Variants in IL7R observed in about 807,000 individuals in gnomAD.
IL7R encodes interleukin-7 receptor subunit alpha.
Under a neutral mutation model 47.0 loss-of-function variants are expected in IL7R, and 38 were observed. The observed-to-expected ratio is 0.81, with a 90% CI of 0.62 to 1.06. The LOEUF is 1.06. Among genes scored for constraint, IL7R ranks in the 50% least tolerant of loss-of-function variants. The pLI is 0.00. For missense variants in IL7R, 633 were observed against 534.8 expected (o/e 1.18, Z -1.81); for synonymous variants, 221 against 199.8 (o/e 1.11, Z -0.89).
chr5:35,860,965 A>C lies in IL7R; in HGVS notation c.196A>C (p.Ile66Leu). 1 of 1,613,574 alleles carries C rather than the reference A, an allele frequency of 6.2e-7. No homozygotes were observed. Among genetic ancestry groups the C allele is most frequent in the African/African-American group, 1.3e-5 (1 of 75,010 alleles). ...TCAFEDPDVN[I>L]TNLEFEICGA... is the part of the protein sequence containing the mutation. ...TGCTTTTGAGGACCCAGATGTCAAC[A>C]TCACCAATCTGGAATTTGAAATATG... Residue 66 changes from isoleucine (I) to leucine (L), a missense_variant, in exon 2 of 8, where the codon ATC (isoleucine) becomes CTC (leucine). Ile to Leu is a conservative substitution (Grantham distance 5). Transcript: ENST00000303115.
intron 4 of IL7R, among the ~76,000 whole-genome samples, chr5:35,872,281 C>T (rs1429909902): frequency 6.6e-6 from 1 of 152,148 alleles, no homozygotes; most frequent in Non-Finnish European, 1.5e-5. Context: ...TCACTGCAAC[C>T]TCCGCCTCCC....
chr5:35,864,314 A>G (rs1040253016), intron 2 of IL7R, among the ~76,000 whole-genome samples: 1 of 151,906 alleles, frequency 6.6e-6, no homozygotes, highest in Non-Finnish European at 1.5e-5. Context: ...TGAGACTATT[A>G]TTTTTTAGGT....
In IL7R at chr5:35,863,964, T is replaced by C. The variant is rs151088183; in HGVS notation, c.221+2974T>C. On this transcript the variant is annotated intron_variant, in intron 2 of 7. Coordinates refer to ENST00000303115, the MANE Select transcript of IL7R (RefSeq NM_002185.5). ...TTAAGTGAATTTGGAGAAATGTCTA[T>C]GACCTGTAGCCATTCCAATGGTAAA... 2.0e-5 allele frequency among the ~76,000 whole-genome samples: 3 copies of C among 152,304 alleles called. No individual in the cohort carries two copies. The East Asian group carries it at 5.8e-4, about 29-fold the overall frequency.
Position 35,876,348 on chromosome 5 carries a change from G to T in IL7R, c.1242G>T (p.Thr414=), listed in dbSNP as rs755492743. 2 of 1,613,200 alleles carry T rather than the reference G, an allele frequency of 1.2e-6. No homozygotes were observed. The highest frequency in any genetic ancestry group is 1.7e-4 in the Middle Eastern group (1 of 6,056). The change falls in exon 8 of 8, where the codon ACG becomes ACT. Residue 414 remains threonine, a synonymous_variant. Transcript: ENST00000303115. ...LLLSLGTTNS[T]LPPPFSLQSG... Reference sequence around the variant, plus strand: ...TTAGCCTTGGGACTACAAACAGCACGCTGCCCCCTCCATTTTCTCTCCAAT... The same window carrying T: ...TTAGCCTTGGGACTACAAACAGCACTCTGCCCCCTCCATTTTCTCTCCAAT...
At position 35,871,394 on chromosome 5, in the gene IL7R, C is replaced by A. The variant is rs188262134; in HGVS notation, c.537+181C>A. Among the ~76,000 whole-genome samples, 281 of 152,328 alleles carry A rather than the reference C, an allele frequency of 1.8e-3. 2 individuals are homozygous for A. Among genetic ancestry groups the A allele is most frequent in the Non-Finnish European group, 1.0e-3 (71 of 68,030 alleles). Reference sequence around the variant, plus strand: ...TGGATCTTCCCTGATGCATACTCTTCTAGCTCTGGTTGTTTTCTTCTGCTC... The same window carrying A: ...TGGATCTTCCCTGATGCATACTCTTATAGCTCTGGTTGTTTTCTTCTGCTC... On this transcript the variant is annotated intron_variant, in intron 4 of 7. Coordinates refer to ENST00000303115, the MANE Select transcript of IL7R (RefSeq NM_002185.5).
Position 35,874,562 on chromosome 5 carries a change from A to G in IL7R, c.800+20A>G, listed in dbSNP as rs752433400. The stretch of plus-strand genomic sequence containing the variant: ...AAAAAGGTGACCTTCTTCAACTAAT[A>G]AAGAGGGTGATTGTGTGGGATCACG... On this transcript the variant is annotated intron_variant, in intron 6 of 7. Coordinates refer to ENST00000303115, the MANE Select transcript of IL7R (RefSeq NM_002185.5). 1.3e-6 allele frequency: 2 copies of G among 1,502,042 alleles called. No homozygotes were observed. The highest frequency in any genetic ancestry group is 1.9e-6 in the Non-Finnish European group (2 of 1,077,768). 93.0% of individuals were successfully genotyped at this position (1,502,042 alleles called of 1,614,324 possible). A position where few individuals can be genotyped will look rare whatever the true frequency, so the allele number is the denominator to read the frequency against.
At chr5:35,863,732 G>A (rs1320937175) in intron 2 of IL7R, among the ~76,000 whole-genome samples, 2 of 152,114 alleles carry the variant, frequency 1.3e-5, no homozygotes, top group African/African-American at 4.8e-5. Flanking sequence ...ATTGGTAACT[G>A]TGTTTATCAC....
intron 2 of IL7R, among the ~76,000 whole-genome samples, chr5:35,865,322 G>A (rs1759914523): frequency 6.6e-6 from 1 of 152,106 alleles, no homozygotes; most frequent in Non-Finnish European, 1.5e-5. Context: ...GTATTCCATG[G>A]TGTATATGTG....
intron 3 of IL7R, among the ~76,000 whole-genome samples, chr5:35,868,903 T>A (rs144537359): frequency 1.2e-4 from 18 of 152,046 alleles, no homozygotes; most frequent in African/African-American, 4.3e-4. Flanking sequence ...GCAGTCTCCA[T>A]CCCCCAGCAG....
intron 3 of IL7R, among the ~76,000 whole-genome samples, chr5:35,869,886 A>C (rs1760027899): frequency 6.6e-6 from 1 of 152,146 alleles, no homozygotes; most frequent in Non-Finnish European, 1.5e-5. Flanking sequence ...CAAAGTCATT[A>C]CTTTTTTTTC....
At position 35,873,617 on chromosome 5, in the gene IL7R, C is replaced by A. The variant is rs1390410878; in HGVS notation, c.675C>A (p.Tyr225Ter). The change falls in exon 5 of 8, where the codon TAC (tyrosine) becomes TAA (stop). Residue 225 changes from tyrosine to a stop codon, truncating the protein, a stop_gained. Transcript: ENST00000303115. LOFTEE classifies it high-confidence loss of function. ...GFWSEWSPSY[Y>*]FRTPEINNSS... ...GGAGTGAATGGAGTCCAAGTTATTACTTCAGAACTCCAGAGATCAATAATA... is the reference window on the plus strand; with the variant it reads ...GGAGTGAATGGAGTCCAAGTTATTAATTCAGAACTCCAGAGATCAATAATA... The A allele has an allele frequency of 1.9e-6, 3 of 1,613,908 alleles. No individual in the cohort carries two copies. The African/African-American group carries it at 4.0e-5, about 22-fold the overall frequency.
chr5:35,861,239 C>A (rs78624782), intron 2 of IL7R, among the ~76,000 whole-genome samples: 1 of 152,086 alleles, frequency 6.6e-6, no homozygotes, highest in Non-Finnish European at 1.5e-5. Flanking sequence ...GATCCCACAT[C>A]CCTCCCAACT....
chr5:35,872,495 C>A (rs1193617740), intron 4 of IL7R, among the ~76,000 whole-genome samples: 3 of 150,890 alleles, frequency 2.0e-5, no homozygotes, highest in East Asian at 3.9e-4. Flanking sequence ...AACACGCCAG[C>A]CAAAAATTGT....
rs11567718 is a variant in IL7R at position 35,863,968 on chromosome 5, C to G, written c.221+2978C>G. Among the ~76,000 whole-genome samples, 686 of 152,134 alleles carry G rather than the reference C, an allele frequency of 4.5e-3. 4 individuals are homozygous for G. The highest frequency in any genetic ancestry group is 0.015 in the African/African-American group (621 of 41,536). On this transcript the variant is annotated intron_variant, in intron 2 of 7. Coordinates refer to ENST00000303115, the MANE Select transcript of IL7R (RefSeq NM_002185.5). ...GTGAATTTGGAGAAATGTCTATGACCTGTAGCCATTCCAATGGTAAAGATA... is the reference window on the plus strand; with the variant it reads ...GTGAATTTGGAGAAATGTCTATGACGTGTAGCCATTCCAATGGTAAAGATA...
chr5:35,867,365 T>C lies in IL7R; in HGVS notation c.281T>C (p.Ile94Thr). 1 of 1,613,664 alleles carries C rather than the reference T, an allele frequency of 6.2e-7. No individual in the cohort carries two copies. The highest frequency in any genetic ancestry group is 8.5e-7 in the Non-Finnish European group (1 of 1,179,624). Reference protein sequence around the residue: ...NFRKLQEIYFIETKKFLLIGK... With the variant: ...NFRKLQEIYFTETKKFLLIGK... ...AGGAAACTACAAGAGATATATTTCATCGAGACAAAGAAATTCTTACTGATT... is the reference window on the plus strand; with the variant it reads ...AGGAAACTACAAGAGATATATTTCACCGAGACAAAGAAATTCTTACTGATT... The change falls in exon 3 of 8, where the codon ATC becomes ACC. Residue 94 changes from isoleucine (I) to threonine (T), a missense_variant. By Grantham distance (89) the Ile-to-Thr change is moderately conservative. Coordinates refer to ENST00000303115, the MANE Select transcript of IL7R (RefSeq NM_002185.5).
intron 6 of IL7R, chr5:35,875,295 A>G (rs1760175268): frequency 6.6e-6 from 4 of 603,216 alleles, no homozygotes; most frequent in African/African-American, 5.5e-5. Context: ...CACAGAATGG[A>G]TTGATATCTG....
At chr5:35,875,929 G>T in intron 7 of IL7R, 54 bp from the exon 8 acceptor site, 2 of 1,580,294 alleles carry the variant, frequency 1.3e-6, no homozygotes, top group African/African-American at 1.3e-5. Flanking sequence ...CTGAACATTT[G>T]ATGGTGTGTC....
At chr5:35,865,548 A>G (rs1759919116) in intron 2 of IL7R, among the ~76,000 whole-genome samples, 1 of 152,150 alleles carries the variant, frequency 6.6e-6, no homozygotes, top group Non-Finnish European at 1.5e-5. Flanking sequence ...GTCTTCCACA[A>G]TGGTTGAACT....
Position 35,877,552 on chromosome 5 carries a change from T to C in IL7R, c.*1066T>C, listed in dbSNP as rs1168248304. The C allele has an allele frequency of 4.3e-6, 1 of 233,074 alleles. No homozygotes were observed. The highest frequency in any genetic ancestry group is 8.5e-6 in the Non-Finnish European group (1 of 118,010). The allele number at this position is 233,074 out of a possible 1,614,324, so 14.4% of individuals were successfully genotyped here. A position where few individuals can be genotyped will look rare whatever the true frequency, so the allele number is the denominator to read the frequency against. On this transcript the variant is annotated 3_prime_UTR_variant, in exon 8 of 8. Coordinates refer to ENST00000303115, the MANE Select transcript of IL7R (RefSeq NM_002185.5). ...AGGAAACTGTCGCTGACCCTGGACATGGGTACGTTTGACGAGTGAGAGGAG... is the reference window on the plus strand; with the variant it reads ...AGGAAACTGTCGCTGACCCTGGACACGGGTACGTTTGACGAGTGAGAGGAG...
Sources: gnomAD v4.1 joint callset for allele counts (sites outside exome capture counted in the v4.1 genomes callset) on GRCh38, gnomAD v4.1.1 for gene constraint, MANE v1.5 for transcripts, NCBI Gene and HGNC (gene_info 2026-07-23, HGNC 2026-07-21) for gene names.